Variants in KLK12 observed in about 807,000 individuals in gnomAD.
KLK12 encodes kallikrein-12.
In KLK12, 23 loss-of-function variants were observed where a neutral mutation model predicts 20.0. The observed-to-expected ratio is 1.15, with a 90% CI of 0.83 to 1.63. The LOEUF (loss-of-function observed/expected upper bound fraction) is 1.63. Ranked by LOEUF, KLK12 falls within the 40% of genes most tolerant of loss-of-function variation. The pLI, the probability that KLK12 is intolerant of heterozygous loss-of-function variation, is 0.00. For missense variants in KLK12, 351 were observed against 338.6 expected (o/e 1.04, Z -0.29); for synonymous variants, 147 against 141.9 (o/e 1.04, Z -0.25).
intron 2 of KLK12, 58 bp from the exon 3 acceptor site, chr19:51,034,197 G>A (rs1422902114): frequency 1.5e-5 from 23 of 1,513,944 alleles, no homozygotes; most frequent in Non-Finnish European, 2.0e-5. Context: ...GAGATGGAGA[G>A]ACACACAGAG....
At chr19:51,033,216 T>C (rs1487821324) in intron 3 of KLK12, among the ~76,000 whole-genome samples, 4 of 130,286 alleles carry the variant, frequency 3.1e-5, no homozygotes, top group African/African-American at 8.3e-5. Context: ...CAAGACTCTG[T>C]CTCCAAAAAA....
chr19:51,034,562 C>A (rs1034516630), intron 2 of KLK12, 23 bp downstream of exon 2: 1 of 1,607,980 alleles, frequency 6.2e-7, no homozygotes, highest in Non-Finnish European at 8.5e-7. Flanking sequence ...GTCCTGCCCT[C>A]TCCCTGCTCC....
chr19:51,029,906 C>A (rs1231143493), intron 5 of KLK12, among the ~76,000 whole-genome samples: 1 of 152,004 alleles, frequency 6.6e-6, no homozygotes, highest in Non-Finnish European at 1.5e-5. Flanking sequence ...TAGAGGTTCT[C>A]TCAAGGACAA....
intron 4 of KLK12, 60 bp from the exon 5 acceptor site, chr19:51,030,981 C>T (rs567987583): frequency 9.3e-5 from 149 of 1,607,966 alleles, no homozygotes; most frequent in Non-Finnish European, 1.1e-4. Context: ...GAGGCCACGT[C>T]CCTCTTCCCT....
At chr19:51,034,319 GGGAGAAAGATGCTTACACATA>G in intron 2 of KLK12, 180 bp from the exon 3 acceptor site, 1 of 1,139,482 alleles carries the variant, frequency 8.8e-7, no homozygotes, top group South Asian at 1.6e-5. Flanking sequence ...AAGACACCCA[GGGAGAAAGATGCTTACACATA>G]GGAGGGAAAT....
In KLK12 at chr19:51,030,320, C is replaced by CATTATTATTATT. The variant is rs143678001; in HGVS notation, c.591+456_591+467dup. Among the ~76,000 whole-genome samples the CATTATTATTATT allele has an allele frequency of 8.3e-3, 1,111 of 134,656 alleles. 11 individuals are homozygous for CATTATTATTATT. The highest frequency in any genetic ancestry group is 0.016 in the East Asian group (74 of 4,560). 88.3% of individuals were successfully genotyped at this position (134,656 alleles called of 152,430 possible). ...CCTCCCTTATCCTGGGCCTCTCCTC[C>CATTATTATTATT]ATTATTATTATTATTATTATTATTA... On this transcript the variant is annotated intron_variant, in intron 5 of 5. Coordinates refer to ENST00000684732, the MANE Select transcript of KLK12 (RefSeq NM_001370125.1).
Position 51,034,991 on chromosome 19 carries a change from C to G in KLK12, c.-205G>C. ...TGTTGCTCAACCGGTCCCTTTCCTT[C>G]CATCTGTCGCTCCAGACAGACCACT... On this transcript the variant is annotated 5_prime_UTR_variant, in exon 1 of 6. Coordinates refer to ENST00000684732, the MANE Select transcript of KLK12 (RefSeq NM_001370125.1). 1 of 1,153,938 alleles carries G rather than the reference C, an allele frequency of 8.7e-7. No individual in the cohort carries two copies. The highest frequency in any genetic ancestry group is 1.1e-6 in the Non-Finnish European group (1 of 929,562). The allele number at this position is 1,153,938 out of a possible 1,614,324, so 71.5% of individuals were successfully genotyped here.
intron 3 of KLK12, among the ~76,000 whole-genome samples, chr19:51,033,691 G>A (rs1481156662): frequency 6.6e-6 from 1 of 152,120 alleles, no homozygotes; most frequent in Non-Finnish European, 1.5e-5. Flanking sequence ...GTCAAGGAAT[G>A]GCTGGGGTGA....
At position 51,034,053 on chromosome 19, in the gene KLK12, C is replaced by A. The variant is rs1180551906; in HGVS notation, c.124G>T (p.Gly42Cys). Residue 42 changes from glycine (G) to cysteine (C), a missense_variant, in exon 3 of 6, where the codon GGC becomes TGC. Gly to Cys is a radical substitution (Grantham distance 159, BLOSUM62 -3). Coordinates refer to ENST00000684732, the MANE Select transcript of KLK12 (RefSeq NM_001370125.1). ...SQPWQVGLFE[G>C]TSLRCGGVLI... is the part of the protein sequence containing the mutation. ...ACACCCCCGCAGCGCAGGCTGGTGC[C>A]CTCAAACAGCCCCACCTGCCACGGC... 7 of 1,591,722 alleles carry A rather than the reference C, an allele frequency of 4.4e-6. No individual in the cohort carries two copies. The East Asian group carries it at 1.6e-4, about 36-fold the overall frequency.
At position 51,033,962 on chromosome 19, in the gene KLK12, C is replaced by T. The variant is rs1403278942; in HGVS notation, c.197+18G>A. On this transcript the variant is annotated intron_variant, in intron 3 of 5. Coordinates refer to ENST00000684732, the MANE Select transcript of KLK12 (RefSeq NM_001370125.1). ...CTTCCCATAGTCCTCCCTTCGCCCA[C>T]CCCAGGAAGGGACTTACCTGCCGCT... 1 of 1,608,664 alleles carries T rather than the reference C, an allele frequency of 6.2e-7. No homozygotes were observed. Among genetic ancestry groups the T allele is most frequent in the African/African-American group, 1.3e-5 (1 of 74,818 alleles).
chr19:51,034,955 G>A lies in KLK12; in HGVS notation c.-169C>T. 8.2e-7 allele frequency: 1 copy of A among 1,216,482 alleles called. No homozygotes were observed. Among genetic ancestry groups the A allele is most frequent in the Non-Finnish European group, 1.0e-6 (1 of 967,696 alleles). 75.4% of individuals were successfully genotyped at this position (1,216,482 alleles called of 1,614,324 possible). Reference sequence around the variant, plus strand: ...CTACCACTCTGCACCTGGCTCCTCAGCCACCTGTCATGTTGCTCAACCGGT... The same window carrying A: ...CTACCACTCTGCACCTGGCTCCTCAACCACCTGTCATGTTGCTCAACCGGT... On this transcript the variant is annotated 5_prime_UTR_variant, in exon 1 of 6. Transcript: ENST00000684732.
chr19:51,034,258 G>C, intron 2 of KLK12, 119 bp from the exon 3 acceptor site: 1 of 1,221,390 alleles, frequency 8.2e-7, no homozygotes, highest in Non-Finnish European at 1.2e-6. Context: ...AGACGAGAAA[G>C]AGAGAGAAAG....
In KLK12 at chr19:51,034,802, T is replaced by C. The variant is rs976438678; in HGVS notation, c.-20+4A>G. The stretch of plus-strand genomic sequence containing the variant: ...TCATTGGCAGTCGCCTACCTCCTTC[T>C]CACCTTGTCTCTTTGTCTGCCAGAT... On this transcript the variant is annotated splice_donor_region_variant and intron_variant, in intron 1 of 5. Coordinates refer to ENST00000684732, the MANE Select transcript of KLK12 (RefSeq NM_001370125.1). 2.7e-6 allele frequency: 4 copies of C among 1,471,194 alleles called. No homozygotes were observed. The highest frequency in any genetic ancestry group is 3.6e-6 in the Non-Finnish European group (4 of 1,111,428). The allele number at this position is 1,471,194 out of a possible 1,614,324, so 91.1% of individuals were successfully genotyped here. A position where few individuals can be genotyped will look rare whatever the true frequency, so the allele number is the denominator to read the frequency against.
Position 51,031,874 on chromosome 19 carries a change from A to T in KLK12, c.457+2T>A, listed in dbSNP as rs3745540. ...CCTGACCCCTGGCCCTGGGCCCCTT[A>T]CTCCGTGGGTGGTTGGTGATGCCCC... On this transcript the variant is annotated splice_donor_variant, in intron 4 of 5. Transcript: ENST00000684732. LOFTEE classifies it high-confidence loss of function. The T allele has an allele frequency of 6.2e-7, 1 of 1,612,414 alleles. No homozygotes were observed. Among genetic ancestry groups the T allele is most frequent in the Non-Finnish European group, 8.5e-7 (1 of 1,179,572 alleles).
chr19:51,029,401 C>A lies in KLK12; in HGVS notation c.648G>T (p.Trp216Cys), dbSNP rs745414637. Residue 216 changes from tryptophan (W) to cysteine (C), a missense_variant, in exon 6 of 6, where the codon TGG becomes TGT. By Grantham distance (215) the Trp-to-Cys change is radical. Coordinates refer to ENST00000684732, the MANE Select transcript of KLK12 (RefSeq NM_001370125.1). ...CGGVLQGLVSWGSVGPCGQDG... is the reference protein window; with the variant it reads ...CGGVLQGLVSCGSVGPCGQDG... ...CTTGTCCACAGGGCCCCACAGACCC[C>A]CAGGACACCAGACCTTGAAGGACTC... 6.8e-6 allele frequency: 11 copies of A among 1,613,678 alleles called. No individual in the cohort carries two copies. In the South Asian group the frequency reaches 1.1e-4, roughly 16 times the overall value.
intron 4 of KLK12, 77 bp from the exon 5 acceptor site, chr19:51,030,998 G>A: frequency 6.3e-7 from 1 of 1,582,300 alleles, no homozygotes; most frequent in Non-Finnish European, 8.7e-7. Flanking sequence ...CCCTGGATGT[G>A]GCCCATCCAT....
intron 3 of KLK12, among the ~76,000 whole-genome samples, chr19:51,033,001 C>G (rs1187172435): frequency 6.6e-6 from 1 of 151,060 alleles, no homozygotes; most frequent in Non-Finnish European, 1.5e-5. Context: ...ATTGCTTGAG[C>G]TGAGGAGTTT....
Position 51,032,152 on chromosome 19 carries a change from C to CT in KLK12, c.198-18dup. 1 of 1,588,152 alleles carries CT rather than the reference C, an allele frequency of 6.3e-7. No homozygotes were observed. Among genetic ancestry groups the CT allele is most frequent in the East Asian group, 2.3e-5 (1 of 43,686 alleles). ...CAGTACCTGCTGCCGGTGGCGACGGCTGAGCGGGTGGCAGGCACGCAGTCC... is the reference window on the plus strand; with the variant it reads ...CAGTACCTGCTGCCGGTGGCGACGGCTTGAGCGGGTGGCAGGCACGCAGTCC... On this transcript the variant is annotated splice_polypyrimidine_tract_variant and intron_variant, in intron 3 of 5. Transcript: ENST00000684732.
chr19:51,034,533 G>C, intron 2 of KLK12, 52 bp downstream of exon 2: 13 of 1,592,928 alleles, frequency 8.2e-6, no homozygotes, highest in Non-Finnish European at 1.1e-5. Context: ...CCTCATGGGG[G>C]TGAAGGGATC....
Sources: gnomAD v4.1 joint callset for allele counts (sites outside exome capture counted in the v4.1 genomes callset) on GRCh38, gnomAD v4.1.1 for gene constraint, MANE v1.5 for transcripts, NCBI Gene and HGNC (gene_info 2026-07-23, HGNC 2026-07-21) for gene names.